TRIO: variants seen among roughly 807,000 people sequenced by gnomAD.
The protein encoded by TRIO is trio Rho guanine nucleotide exchange factor, also known as triple functional domain protein.
TRIO carries 58 observed loss-of-function variants against 351.9 expected under a neutral mutation model. The observed-to-expected ratio is 0.16, with a 90% confidence interval of 0.13 to 0.21. The LOEUF (loss-of-function observed/expected upper bound fraction) is 0.21, where lower values mean the gene tolerates loss of function less well. Among genes scored for constraint, TRIO ranks in the 10% least tolerant of loss-of-function variants. TRIO has a pLI of 1.00. For missense variants in TRIO, 3,201 were observed against 4,027.8 expected (o/e 0.79, Z 5.56); for synonymous variants, 1,758 against 1,595.7 (o/e 1.10, Z -2.42).
At chr5:14,241,676 A>G (rs184890272) in intron 1 of TRIO, among the ~76,000 whole-genome samples, 11 of 152,322 alleles carry the variant, frequency 7.2e-5, no homozygotes, top group Admixed American at 7.2e-4. Flanking sequence ...AAAATAGCAC[A>G]ATTTTCAAGA....
chr5:14,335,490 G>T (rs146333859), intron 10 of TRIO, among the ~76,000 whole-genome samples: 31 of 152,238 alleles, frequency 2.0e-4, no homozygotes, highest in African/African-American at 7.5e-4. Flanking sequence ...GGACCCCTCC[G>T]CAGCAGCTTC....
Position 14,487,550 on chromosome 5 carries a change from A to G in TRIO, c.6922A>G (p.Ser2308Gly), listed in dbSNP as rs1460639961. 2.5e-5 allele frequency: 26 copies of G among 1,057,232 alleles called. No homozygotes were observed. The African/African-American group carries it at 4.3e-4, about 18-fold the overall frequency. The allele number at this position is 1,057,232 out of a possible 1,614,324, so 65.5% of individuals were successfully genotyped here. Residue 2308 changes from serine to glycine, a missense_variant, in exon 48 of 57, where the codon AGC (serine) becomes GGC (glycine). By Grantham distance (56) the Ser-to-Gly change is moderately conservative (BLOSUM62 0). Coordinates refer to ENST00000344204, the MANE Select transcript of TRIO (RefSeq NM_007118.4). ...CGGGGGCAGCGGCGGGGGTGGGGGC[A>G]GCGGCGGCGGCGGGGCCCCCAGTGG... is the stretch of plus-strand genomic sequence containing the variant. ...GSGGSGGGGG[S>G]GGGGAPSGGS...
Position 14,369,438 on chromosome 5 carries a change from C to T in TRIO, c.3131C>T (p.Ala1044Val). The T allele has an allele frequency of 3.7e-6, 6 of 1,613,940 alleles. No individual in the cohort carries two copies. Among genetic ancestry groups the T allele is most frequent in the South Asian group, 1.1e-5 (1 of 91,072 alleles). The change falls in exon 18 of 57, where the codon GCG becomes GTG. Residue 1044 changes from alanine to valine, a missense_variant. Coordinates refer to ENST00000344204, the MANE Select transcript of TRIO (RefSeq NM_007118.4). ...YKREEDWCGG[A>V]DKLGPNSETD... ...AGAGAAGAAGACTGGTGTGGCGGGGCGGATAAGCTGGGCCCAAACTCTGAG... is the reference window on the plus strand; with the variant it reads ...AGAGAAGAAGACTGGTGTGGCGGGGTGGATAAGCTGGGCCCAAACTCTGAG...
At position 14,492,732 on chromosome 5, in the gene TRIO, C is replaced by G; in HGVS notation, c.7798C>G (p.Pro2600Ala). The change falls in exon 49 of 57, where the codon CCC (proline) becomes GCC (alanine). Residue 2600 changes from proline (P) to alanine (A), a missense_variant. Around this residue, in one of 19 missense-constraint regions of TRIO, gnomAD observed 1,089 missense variants for 954.9 expected, o/e 1.14. Transcript: ENST00000344204. Reference sequence around the variant, plus strand: ...GTTCCGAGCCGCCACTGACCAGTGCCCCGCAGCTGAGGGCTGGATTCCAGG... The same window carrying G: ...GTTCCGAGCCGCCACTGACCAGTGCGCCGCAGCTGAGGGCTGGATTCCAGG... ...LVFRAATDQC[P>A]AAEGWIPGFV... 1 of 1,614,138 alleles carries G rather than the reference C, an allele frequency of 6.2e-7. No individual in the cohort carries two copies. The highest frequency in any genetic ancestry group is 8.5e-7 in the Non-Finnish European group (1 of 1,180,024).
At chr5:14,176,322 T>C (rs1340623923) in intron 1 of TRIO, among the ~76,000 whole-genome samples, 2 of 152,004 alleles carry the variant, frequency 1.3e-5, no homozygotes, top group African/African-American at 4.8e-5. Flanking sequence ...ATAAAAAAAT[T>C]AGCCGGACAT....
chr5:14,438,227 A>C (rs1751752679), intron 34 of TRIO, among the ~76,000 whole-genome samples: 1 of 152,122 alleles, frequency 6.6e-6, no homozygotes, highest in Non-Finnish European at 1.5e-5. Context: ...TGCAAAATTC[A>C]ACTCCATCTG....
At position 14,291,099 on chromosome 5, in the gene TRIO, G is replaced by T; in HGVS notation, c.924G>T (p.Leu308Phe). ...GSGNADLQNLLPKVSTMLDRL... is the reference protein window; with the variant it reads ...GSGNADLQNLFPKVSTMLDRL... ...GCAATGCGGACCTGCAGAACCTCTT[G>T]CCCAAGGTGTCCACCATGCTGGACC... Residue 308 changes from leucine (L) to phenylalanine (F), a missense_variant, in exon 5 of 57, where the codon TTG (leucine) becomes TTT (phenylalanine). Physicochemically the swap from Leu to Phe is conservative, Grantham distance 22. Around this residue, in one of 19 missense-constraint regions of TRIO, gnomAD observed 349 missense variants for 449.3 expected, o/e 0.78. Transcript: ENST00000344204. 2 of 1,614,228 alleles carry T rather than the reference G, an allele frequency of 1.2e-6. No individual in the cohort carries two copies. The highest frequency in any genetic ancestry group is 8.5e-7 in the Non-Finnish European group (1 of 1,180,038).
chr5:14,410,028 C>T (rs1749064536), intron 33 of TRIO, among the ~76,000 whole-genome samples: 1 of 152,060 alleles, frequency 6.6e-6, no homozygotes, highest in Non-Finnish European at 1.5e-5. Context: ...TTAAACAGAC[C>T]TGGCGAATTT....
intron 1 of TRIO, among the ~76,000 whole-genome samples, chr5:14,241,485 A>G (rs950504814): frequency 2.0e-5 from 3 of 152,190 alleles, no homozygotes; most frequent in Non-Finnish European, 4.4e-5. Context: ...GAAGGGAGTA[A>G]TAGAGTAAGC....
rs754111457 is a variant in TRIO, at chr5:14,291,236, C to T, written c.1053+8C>T. On this transcript the variant is annotated splice_region_variant and intron_variant, in intron 5 of 56. Transcript: ENST00000344204. ...GAACAGGATGCTGAGAAGGTAAAGACGGGGGAGGCTAATGCCTCAGTGGAC... is the reference window on the plus strand; with the variant it reads ...GAACAGGATGCTGAGAAGGTAAAGATGGGGGAGGCTAATGCCTCAGTGGAC... The T allele has an allele frequency of 1.1e-5, 17 of 1,607,668 alleles. No homozygotes were observed. The highest frequency in any genetic ancestry group is 5.0e-5 in the Admixed American group (3 of 59,792).
intron 1 of TRIO, among the ~76,000 whole-genome samples, chr5:14,196,589 C>G (rs1312675427): frequency 6.6e-6 from 1 of 152,106 alleles, no homozygotes; most frequent in Non-Finnish European, 1.5e-5. Flanking sequence ...GATCCCATGA[C>G]TTGAAATCAT....
At chr5:14,461,519 C>T (rs747988491) in intron 35 of TRIO, among the ~76,000 whole-genome samples, 4 of 152,232 alleles carry the variant, frequency 2.6e-5, no homozygotes, top group South Asian at 2.1e-4. Flanking sequence ...TTCAGGACCA[C>T]GTGTGGCTTC....
At chr5:14,424,729 A>G (rs531901451) in intron 34 of TRIO, among the ~76,000 whole-genome samples, 1 of 152,354 alleles carries the variant, frequency 6.6e-6, no homozygotes, top group East Asian at 1.9e-4. Flanking sequence ...GTAGTGATAC[A>G]TGATTGCTAT....
intron 11 of TRIO, among the ~76,000 whole-genome samples, chr5:14,345,785 C>T (rs1341549407): frequency 6.6e-6 from 1 of 152,208 alleles, no homozygotes; most frequent in Non-Finnish European, 1.5e-5. Flanking sequence ...AGTGATCCAC[C>T]CACCTCAGCT....
chr5:14,423,542 C>G (rs1477304481), intron 34 of TRIO, among the ~76,000 whole-genome samples: 1 of 152,226 alleles, frequency 6.6e-6, no homozygotes, highest in African/African-American at 2.4e-5. Context: ...TTGCCCTACG[C>G]TGCCCTGCTT....
chr5:14,271,462 C>T (rs573189327), intron 2 of TRIO, among the ~76,000 whole-genome samples: 12 of 152,286 alleles, frequency 7.9e-5, no homozygotes, highest in Admixed American at 5.2e-4. Context: ...GGCCCTGGCC[C>T]GCCCGCAGAC....
intron 1 of TRIO, among the ~76,000 whole-genome samples, chr5:14,216,813 T>C (rs1178532127): frequency 6.6e-6 from 1 of 152,244 alleles, no homozygotes; most frequent in African/African-American, 2.4e-5. Flanking sequence ...TTTACTGTTT[T>C]CCATGACTGG....
intron 1 of TRIO, among the ~76,000 whole-genome samples, chr5:14,251,935 AG>A (rs1410573619): frequency 1.3e-5 from 2 of 150,966 alleles, no homozygotes; most frequent in African/African-American, 4.9e-5. Context: ...AAATGACAGC[AG>A]AGCCTTACCA....
At chr5:14,195,069 G>A (rs927208271) in intron 1 of TRIO, among the ~76,000 whole-genome samples, 4 of 151,758 alleles carry the variant, frequency 2.6e-5, no homozygotes, top group African/African-American at 9.7e-5. Context: ...TGAAAATTGG[G>A]AATACCACAT....
Sources: gnomAD v4.1 joint callset for allele counts (sites outside exome capture counted in the v4.1 genomes callset) on GRCh38, gnomAD v4.1.1 for gene constraint, gnomAD v4.1.1 regional missense constraint, MANE v1.5 for transcripts, NCBI Gene and HGNC (gene_info 2026-07-23, HGNC 2026-07-21) for gene names.